Variants in SNTB2 observed in about 807,000 individuals in gnomAD.
SNTB2 encodes beta-2-syntrophin.
SNTB2 carries 34 observed loss-of-function variants against 46.2 expected under a neutral mutation model. That is an observed-to-expected ratio of 0.74 (90% CI 0.56 to 0.98). The LOEUF (loss-of-function observed/expected upper bound fraction) is 0.98, where lower values mean the gene tolerates loss of function less well. Ranked by LOEUF, SNTB2 falls within the 50% of genes least tolerant of loss-of-function variation. The pLI is 0.00. For missense variants in SNTB2, 603 were observed against 731.4 expected (o/e 0.82, Z 2.02); for synonymous variants, 290 against 312.6 (o/e 0.93, Z 0.76).
At chr16:69,300,702 T>C (rs1965270301) in intron 6 of SNTB2, 130 bp from the exon 7 acceptor site, 2 of 657,448 alleles carry the variant, frequency 3.0e-6, no homozygotes, top group Non-Finnish European at 5.5e-6. Flanking sequence ...TGCCTGTGGC[T>C]TTAAGTTCCT....
chr16:69,218,568 C>T (rs1194169182), intron 1 of SNTB2, among the ~76,000 whole-genome samples: 2 of 151,982 alleles, frequency 1.3e-5, no homozygotes, highest in East Asian at 3.9e-4. Context: ...ATTACAGGCG[C>T]CTGCCACCAC....
At chr16:69,286,590 TAGG>T (rs1965104695) in intron 5 of SNTB2, among the ~76,000 whole-genome samples, 1 of 151,282 alleles carries the variant, frequency 6.6e-6, no homozygotes, top group African/African-American at 2.4e-5. Context: ...GAGGCTGAGG[TAGG>T]AGGATCACCT....
chr16:69,227,390 A>C (rs1032478600), intron 1 of SNTB2, among the ~76,000 whole-genome samples: 1 of 152,194 alleles, frequency 6.6e-6, no homozygotes, highest in Non-Finnish European at 1.5e-5. Flanking sequence ...TGCCATATAG[A>C]GTGGGGTTCA....
intron 5 of SNTB2, among the ~76,000 whole-genome samples, chr16:69,287,538 C>T (rs1419613324): frequency 2.0e-5 from 3 of 152,058 alleles, no homozygotes; most frequent in Non-Finnish European, 4.4e-5. Context: ...CCACTGCACT[C>T]CAAGCTGGGA....
At chr16:69,245,455 A>G in intron 1 of SNTB2, 147 bp from the exon 2 acceptor site, 2 of 737,714 alleles carry the variant, frequency 2.7e-6, no homozygotes, top group Non-Finnish European at 4.5e-6. Context: ...TCGGCCTCCC[A>G]AAGTGCTGGG....
At chr16:69,265,973 G>T (rs943455287) in intron 3 of SNTB2, among the ~76,000 whole-genome samples, 2 of 152,078 alleles carry the variant, frequency 1.3e-5, no homozygotes, top group Non-Finnish European at 2.9e-5. Context: ...TCAATGGTGG[G>T]ATCCCCAAGG....
At chr16:69,196,202 A>G (rs929838205) in intron 1 of SNTB2, among the ~76,000 whole-genome samples, 4 of 152,116 alleles carry the variant, frequency 2.6e-5, no homozygotes, top group Non-Finnish European at 4.4e-5. Context: ...TTGAGCCACT[A>G]TACTCCAGCT....
chr16:69,237,592 T>TTTCG (rs1567404449), intron 1 of SNTB2, among the ~76,000 whole-genome samples: 3 of 130,594 alleles, frequency 2.3e-5, no homozygotes, highest in African/African-American at 1.0e-4. Context: ...TTTTTCTTTC[T>TTTCG]TTCTTTCTTT....
chr16:69,284,242 T>C lies in SNTB2; in HGVS notation c.1343T>C (p.Leu448Pro). 2 of 1,597,170 alleles carry C rather than the reference T, an allele frequency of 1.3e-6. No homozygotes were observed. Among genetic ancestry groups the C allele is most frequent in the Non-Finnish European group, 1.7e-6 (2 of 1,170,858 alleles). The change falls in exon 5 of 7, where the codon CTA (leucine) becomes CCA (proline). Residue 448 changes from leucine to proline, a missense_variant and splice_region_variant. Around this residue, in one of 2 missense-constraint regions of SNTB2, gnomAD observed 537 missense variants for 692.4 expected, o/e 0.78. Coordinates refer to ENST00000336278, the MANE Select transcript of SNTB2 (RefSeq NM_006750.4). Reference sequence around the variant, plus strand: ...GCTGAGCTGATCAAGGAAGTCTCTCTAGGTAGAGATGCTGACTTTTTATTT... The same window carrying C: ...GCTGAGCTGATCAAGGAAGTCTCTCCAGGTAGAGATGCTGACTTTTTATTT... Reference protein sequence around the residue: ...AAAELIKEVSLGCMLNGQEVR... With the variant: ...AAAELIKEVSPGCMLNGQEVR...
At chr16:69,252,605 C>G (rs888622041) in intron 2 of SNTB2, among the ~76,000 whole-genome samples, 1 of 152,164 alleles carries the variant, frequency 6.6e-6, no homozygotes, top group Non-Finnish European at 1.5e-5. Flanking sequence ...CTAAGTTGAA[C>G]ACATAAGTTA....
intron 1 of SNTB2, among the ~76,000 whole-genome samples, chr16:69,223,152 G>A (rs1051275795): frequency 2.7e-5 from 4 of 150,672 alleles, no homozygotes; most frequent in African/African-American, 7.3e-5. Flanking sequence ...CAGTTTCCCC[G>A]AATGTTAACA....
At chr16:69,258,841 G>A (rs1964804944) in intron 2 of SNTB2, among the ~76,000 whole-genome samples, 1 of 151,948 alleles carries the variant, frequency 6.6e-6, no homozygotes, top group Non-Finnish European at 1.5e-5. Flanking sequence ...TCAAACTCCT[G>A]ACCTGAGGTG....
At chr16:69,236,817 C>T (rs999522779) in intron 1 of SNTB2, among the ~76,000 whole-genome samples, 4 of 151,980 alleles carry the variant, frequency 2.6e-5, no homozygotes, top group South Asian at 4.1e-4. Context: ...TTAGATGTAG[C>T]GGGTAGGGAC....
intron 3 of SNTB2, among the ~76,000 whole-genome samples, chr16:69,262,138 T>C (rs890353264): frequency 6.6e-6 from 1 of 152,258 alleles, no homozygotes; most frequent in African/African-American, 2.4e-5. Flanking sequence ...TTGGCTCGTA[T>C]GTCCAGGTAG....
rs113608415 is a variant in SNTB2, at chr16:69,238,228, C to T, written c.581-7374C>T. ...GCATTTATCCCCTTGGCCCCCAATT[C>T]GCAGGTCAGTGCAATCTGGCTGAAT... is the stretch of plus-strand genomic sequence containing the variant. On this transcript the variant is annotated intron_variant, in intron 1 of 6. Transcript: ENST00000336278. 2.7e-3 allele frequency among the ~76,000 whole-genome samples: 416 copies of T among 152,248 alleles called. 3 individuals are homozygous for T. The highest frequency in any genetic ancestry group is 4.8e-3 in the South Asian group (23 of 4,822).
At chr16:69,291,440 T>C (rs534708292) in intron 5 of SNTB2, among the ~76,000 whole-genome samples, 5 of 152,310 alleles carry the variant, frequency 3.3e-5, no homozygotes, top group Non-Finnish European at 7.4e-5. Context: ...GGCCCAGCGC[T>C]GTGGCTTATG....
At chr16:69,299,896 T>C (rs992621368) in intron 6 of SNTB2, 122 bp downstream of exon 6, 3 of 1,112,982 alleles carry the variant, frequency 2.7e-6, no homozygotes, top group Admixed American at 2.9e-5. Flanking sequence ...AAATTTTAAA[T>C]TAAAAAAAAT....
chr16:69,297,988 G>T (rs550889430), intron 5 of SNTB2, among the ~76,000 whole-genome samples: 38 of 152,286 alleles, frequency 2.5e-4, no homozygotes, highest in African/African-American at 8.7e-4. Flanking sequence ...ACCCAGGCTA[G>T]AGTGCAGTGG....
chr16:69,266,230 G>T (rs1243450550), intron 3 of SNTB2, among the ~76,000 whole-genome samples: 1 of 152,138 alleles, frequency 6.6e-6, no homozygotes, highest in African/African-American at 2.4e-5. Flanking sequence ...CGGGCATGGT[G>T]GCGGACGCCT....
Sources: gnomAD v4.1 joint callset for allele counts (sites outside exome capture counted in the v4.1 genomes callset) on GRCh38, gnomAD v4.1.1 for gene constraint, gnomAD v4.1.1 regional missense constraint, MANE v1.5 for transcripts, NCBI Gene and HGNC (gene_info 2026-07-23, HGNC 2026-07-21) for gene names.